Variants in PTGR3 observed in about 807,000 individuals in gnomAD.
The protein encoded by PTGR3 is zinc binding alcohol dehydrogenase domain containing 2.
the PTGR3 span, chr18:75,208,993 C>T: frequency 6.9e-6 from 11 of 1,594,628 alleles, no homozygotes; most frequent in South Asian, 1.2e-4. Flanking sequence ...CCTGGAAGTC[C>T]AGGAAGTGGC....
At chr18:75,201,756 C>A in the PTGR3 span, 5 of 1,614,068 alleles carry the variant, frequency 3.1e-6, no homozygotes, top group Non-Finnish European at 4.2e-6. Flanking sequence ...TACTATCAAG[C>A]GCCCTTTCGT....
chr18:75,204,739 G>A, the PTGR3 span, among the ~76,000 whole-genome samples: 1 of 152,124 alleles, frequency 6.6e-6, no homozygotes, highest in Non-Finnish European at 1.5e-5. Context: ...TCAGGCCTGC[G>A]ACCGTGACCT....
At chr18:75,202,291 C>G in the PTGR3 span, 1 of 1,614,036 alleles carries the variant, frequency 6.2e-7, no homozygotes, top group Non-Finnish European at 8.5e-7. Flanking sequence ...ACTGAGGGGT[C>G]ATAGCGGCCT....
the PTGR3 span, chr18:75,205,514 T>TA: frequency 1.0e-6 from 1 of 984,104 alleles, no homozygotes; most frequent in South Asian, 4.7e-5. Context: ...TCTCCAAATC[T>TA]GTACCCTTCT....
At chr18:75,201,986 A>C in the PTGR3 span, 2 of 1,614,214 alleles carry the variant, frequency 1.2e-6, no homozygotes, top group South Asian at 2.2e-5. Context: ...GCTGCATGGC[A>C]AACTGGCCCG....
chr18:75,206,091 C>T, the PTGR3 span, among the ~76,000 whole-genome samples: 5 of 152,168 alleles, frequency 3.3e-5, no homozygotes, highest in Admixed American at 6.5e-5. Context: ...AAGGACTGAG[C>T]ATAGAGGGGG....
chr18:75,202,371 C>G, the PTGR3 span: 3 of 1,582,888 alleles, frequency 1.9e-6, no homozygotes, highest in Admixed American at 3.5e-5. Context: ...AAATATGTTA[C>G]GATGGGTTTT....
chr18:75,199,479 A>G, the PTGR3 span: 1 of 152,214 alleles, frequency 6.6e-6, no homozygotes, highest in East Asian at 1.9e-4. Flanking sequence ...AGATTATTTT[A>G]TTACAACATT....
chr18:75,209,110 C>T, the PTGR3 span: 4 of 1,377,576 alleles, frequency 2.9e-6, no homozygotes, highest in Non-Finnish European at 3.8e-6. The surrounding 1 kb of genome is among the most constrained non-coding windows in gnomAD (Gnocchi z 4.7). Context: ...GGTCGGCCCC[C>T]GCCCGGGCCG....
the PTGR3 span, chr18:75,200,341 T>C: frequency 6.6e-6 from 1 of 152,242 alleles, no homozygotes; most frequent in African/African-American, 2.4e-5. Flanking sequence ...AGCATCTCAT[T>C]CCACCAGAAC....
chr18:75,202,077 G>A, the PTGR3 span: 8 of 1,613,960 alleles, frequency 5.0e-6, no homozygotes, highest in Middle Eastern at 1.6e-4. Context: ...GTATGCGGTG[G>A]TGCCACTTAC....
At chr18:75,205,558 T>C in the PTGR3 span, 1 of 891,906 alleles carries the variant, frequency 1.1e-6, no homozygotes, top group Non-Finnish European at 1.3e-6. Flanking sequence ...TAAAAAGTGC[T>C]AAACCCCCTC....
the PTGR3 span, chr18:75,200,818 C>CA: frequency 6.6e-6 from 1 of 152,054 alleles, no homozygotes; most frequent in East Asian, 1.9e-4. Context: ...GCTACTTCTT[C>CA]AAAACACATC....
chr18:75,207,087 A>G, the PTGR3 span, among the ~76,000 whole-genome samples: 8 of 152,244 alleles, frequency 5.3e-5, no homozygotes, highest in Non-Finnish European at 1.0e-4. Context: ...TCGCAGGTAG[A>G]GAGGCCCAGG....
chr18:75,201,658 CAGAT>C, the PTGR3 span: 1 of 1,614,198 alleles, frequency 6.2e-7, no homozygotes, highest in Admixed American at 1.7e-5. Context: ...TGTACGCTGG[CAGAT>C]TTCTTGAGCA....
the PTGR3 span, chr18:75,198,293 T>C: frequency 6.6e-6 from 1 of 152,220 alleles, no homozygotes; most frequent in Non-Finnish European, 1.5e-5. Context: ...TACATCCTCA[T>C]TAGCTGGAAT....
At chr18:75,196,698 C>T in the PTGR3 span, 1 of 145,288 alleles carries the variant, frequency 6.9e-6, no homozygotes, top group South Asian at 2.2e-4. Flanking sequence ...TACATGAAGA[C>T]GTATTGGTTT....
chr18:75,205,099 A>AC, the PTGR3 span: 1 of 954,294 alleles, frequency 1.0e-6, no homozygotes, highest in African/African-American at 1.8e-5. Context: ...CGGTTCGCGG[A>AC]CCCCCACCTC....
the PTGR3 span, chr18:75,199,817 T>C: frequency 2.6e-5 from 4 of 152,802 alleles, no homozygotes; most frequent in East Asian, 3.9e-4. Flanking sequence ...GCATGATCCA[T>C]AATTTGGCAG....
Sources: gnomAD v4.1 joint callset for allele counts (sites outside exome capture counted in the v4.1 genomes callset) on GRCh38, gnomAD v4.1.1 for gene constraint, Gnocchi (gnomAD v3.1) non-coding constraint, MANE v1.5 for transcripts, NCBI Gene and HGNC (gene_info 2026-07-23, HGNC 2026-07-21) for gene names.